The following USP22 variants were observed in gnomAD, a reference collection of about 807,000 sequenced individuals.
USP22 encodes the protein ubiquitin specific peptidase 22, also known as ubiquitin carboxyl-terminal hydrolase 22.
USP22 carries 22 observed loss-of-function variants against 68.1 expected under a neutral mutation model. The observed-to-expected ratio is 0.32, with a 90% confidence interval of 0.23 to 0.46. The LOEUF (loss-of-function observed/expected upper bound fraction) is 0.46. Ranked by LOEUF, USP22 falls within the 20% of genes least tolerant of loss-of-function variation. USP22 has a pLI of 1.00. For synonymous variants in USP22, 279 were observed against 274.2 expected (o/e 1.02, Z -0.17); for missense variants, 433 against 695.8 (o/e 0.62, Z 4.25).
At chr17:21,006,106 T>G (rs1433253084) in intron 10 of USP22, among the ~76,000 whole-genome samples, 1 of 152,162 alleles carries the variant, frequency 6.6e-6, no homozygotes, top group Non-Finnish European at 1.5e-5. Context: ...ATTTCAGATT[T>G]CCAACCTCTA....
chr17:21,043,055 C>G (rs1281141379), upstream of USP22: 4 of 236,722 alleles, frequency 1.7e-5, no homozygotes, highest in Non-Finnish European at 3.2e-5. Flanking sequence ...ACCGCCTGCG[C>G]TGCGCTCTCG....
intron 3 of USP22, among the ~76,000 whole-genome samples, chr17:21,020,248 A>AAAAAAAAAAAAC (rs1972137784): frequency 3.3e-5 from 1 of 30,624 alleles, no homozygotes; most frequent in African/African-American, 1.4e-4. Context: ...AAAAACCAAA[A>AAAAAAAAAAAAC]AAAAAAAAAA....
chr17:21,039,362 G>A (rs1567594862), intron 1 of USP22, among the ~76,000 whole-genome samples: 3 of 151,638 alleles, frequency 2.0e-5, no homozygotes, highest in African/African-American at 7.3e-5. Context: ...CGGATCACCT[G>A]AGGTTGGGAG....
chr17:21,011,656 T>C (rs994899350), intron 7 of USP22: 6 of 266,248 alleles, frequency 2.3e-5, no homozygotes, highest in Admixed American at 5.1e-5. Flanking sequence ...CTCAGCTGCA[T>C]CTAGAACTTG....
chr17:21,017,599 A>G lies in USP22; in HGVS notation c.690+343T>C, dbSNP rs115837514. ...TACCAGGAGGACACAGGAGGGTGACACATGCGTGCCTTTCTGAGCCAGGAA... is the reference window on the plus strand; with the variant it reads ...TACCAGGAGGACACAGGAGGGTGACGCATGCGTGCCTTTCTGAGCCAGGAA... On this transcript the variant is annotated intron_variant, in intron 5 of 12. Coordinates refer to ENST00000261497, the MANE Select transcript of USP22 (RefSeq NM_015276.2). 8.6e-3 allele frequency among the ~76,000 whole-genome samples: 1,316 copies of G among 152,298 alleles called. 25 individuals carry two copies. Among genetic ancestry groups the G allele is most frequent in the African/African-American group, 0.029 (1,218 of 41,564 alleles).
In USP22 at chr17:21,020,244, C is replaced by CAAAAAAAAAAAAAAAAAAAAAA. The variant is rs3047597; in HGVS notation, c.418+847_418+868dup. ...ATGAGCATCTGTCAGAATCAAAAACCAAAAAAAAAAAAAAAAAAAAAAAAA... is the reference window on the plus strand; with the variant it reads ...ATGAGCATCTGTCAGAATCAAAAACCAAAAAAAAAAAAAAAAAAAAAAAAAAAAAAAAAAAAAAAAAAAAAAA... On this transcript the variant is annotated intron_variant, in intron 3 of 12. Coordinates refer to ENST00000261497, the MANE Select transcript of USP22 (RefSeq NM_015276.2). Among the ~76,000 whole-genome samples the CAAAAAAAAAAAAAAAAAAAAAA allele has an allele frequency of 2.3e-4, 17 of 73,282 alleles. 1 individual carries two copies. The highest frequency in any genetic ancestry group is 2.8e-4 in the Non-Finnish European group (11 of 39,962). 48.1% of individuals were successfully genotyped at this position (73,282 alleles called of 152,430 possible).
intron 4 of USP22, among the ~76,000 whole-genome samples, chr17:21,018,656 G>C (rs1232640654): frequency 6.6e-6 from 1 of 151,488 alleles, no homozygotes; most frequent in Non-Finnish European, 1.5e-5. Flanking sequence ...AGGGTGCAGT[G>C]AACTGTGCTC....
chr17:21,035,608 C>T (rs1454021022), intron 1 of USP22, among the ~76,000 whole-genome samples: 1 of 151,822 alleles, frequency 6.6e-6, no homozygotes, highest in African/African-American at 2.4e-5. Context: ...AGTCACAAGG[C>T]CCAAGTTTTT....
At chr17:21,030,075 T>C (rs1036666696) in intron 1 of USP22, among the ~76,000 whole-genome samples, 1 of 152,196 alleles carries the variant, frequency 6.6e-6, no homozygotes, top group African/African-American at 2.4e-5. Flanking sequence ...TAGGAATTGA[T>C]TCCAGGATCC....
At chr17:21,026,583 C>T (rs1379184321) in intron 2 of USP22, among the ~76,000 whole-genome samples, 3 of 151,898 alleles carry the variant, frequency 2.0e-5, no homozygotes, top group Non-Finnish European at 2.9e-5. Context: ...CTCAGCCTCC[C>T]GAAGTGCTGG....
intron 3 of USP22, among the ~76,000 whole-genome samples, chr17:21,020,244 C>CAAAAAAAAAAAAAACAA (rs1972136597): frequency 1.4e-5 from 1 of 73,252 alleles, no homozygotes; most frequent in African/African-American, 5.2e-5. Context: ...AATCAAAAAC[C>CAAAAAAAAAAAAAACAA]AAAAAAAAAA....
Position 21,028,559 on chromosome 17 carries a change from G to A in USP22, c.287C>T (p.Ala96Val), listed in dbSNP as rs373343514. 40 of 1,613,748 alleles carry A rather than the reference G, an allele frequency of 2.5e-5. No homozygotes were observed. The highest frequency in any genetic ancestry group is 3.3e-5 in the Admixed American group (2 of 59,966). ...CGCCTCACCCAGGTTGTGCCGCTTC[G>A]CCTTCGCATGCTCGTGAATATGCTT... ...TKKHIHEHAK[A>V]KRHNLAIDLM... Residue 96 changes from alanine to valine, a missense_variant, in exon 2 of 13, where the codon GCG becomes GTG. Transcript: ENST00000261497.
At position 21,000,056 on chromosome 17, in the gene USP22, G is replaced by C. The variant is rs1168879736; in HGVS notation, c.*2975C>G. 6.6e-6 allele frequency: 1 copy of C among 152,326 alleles called. No homozygotes were observed. The highest frequency in any genetic ancestry group is 2.1e-4 in the South Asian group (1 of 4,834). The allele number at this position is 152,326 out of a possible 1,614,324, so 9.4% of individuals were successfully genotyped here. On this transcript the variant is annotated 3_prime_UTR_variant, in exon 13 of 13. Transcript: ENST00000261497. ...CCTTCAGGCATCTGAAGAGGGAAAG[G>C]CCATGTGTCTTCCTGGGAGGCACTG...
intron 10 of USP22, among the ~76,000 whole-genome samples, chr17:21,006,283 T>C (rs1007359806): frequency 7.2e-5 from 11 of 152,238 alleles, no homozygotes; most frequent in African/African-American, 2.7e-4. Context: ...AAACCAACTA[T>C]GTCTGCCTGT....
In USP22 at chr17:21,011,271, CTGA is replaced by C; in HGVS notation, c.980_982del (p.Ile327del). 6.3e-7 allele frequency: 1 copy of C among 1,581,544 alleles called. No homozygotes were observed. Among genetic ancestry groups the C allele is most frequent in the Non-Finnish European group, 8.6e-7 (1 of 1,163,208 alleles). The stretch of plus-strand genomic sequence containing the variant: ...GGTGGAAGAGCCGGGGAGATCCAAG[CTGA>C]TGTCCCAGAAGGGGTCGATGGTGGT... On this transcript the variant is annotated inframe_deletion, in exon 8 of 13. Coordinates refer to ENST00000261497, the MANE Select transcript of USP22 (RefSeq NM_015276.2).
Position 21,002,730 on chromosome 17 carries a change from C to G in USP22, c.*301G>C. ...GCGGTCACTCTGTGCTGTGAGGCCCCCGTTGCACCCCCATGTCATGACACA... is the reference window on the plus strand; with the variant it reads ...GCGGTCACTCTGTGCTGTGAGGCCCGCGTTGCACCCCCATGTCATGACACA... On this transcript the variant is annotated 3_prime_UTR_variant, in exon 13 of 13. Coordinates refer to ENST00000261497, the MANE Select transcript of USP22 (RefSeq NM_015276.2). The G allele has an allele frequency of 2.6e-6, 1 of 377,866 alleles. No homozygotes were observed. Among genetic ancestry groups the G allele is most frequent in the South Asian group, 2.3e-5 (1 of 44,018 alleles). 23.4% of individuals were successfully genotyped at this position (377,866 alleles called of 1,614,324 possible). A position where few individuals can be genotyped will look rare whatever the true frequency, so the allele number is the denominator to read the frequency against.
chr17:21,036,030 CAAAAA>C (rs35324126), intron 1 of USP22, among the ~76,000 whole-genome samples: 3 of 59,634 alleles, frequency 5.0e-5, no homozygotes, highest in African/African-American at 1.8e-4. Context: ...GACTCCGTCT[CAAAAA>C]AAAAAAAAAA....
At chr17:21,038,680 T>G (rs184647441) in intron 1 of USP22, among the ~76,000 whole-genome samples, 3,222 of 146,844 alleles carry the variant, frequency 0.022, 114 homozygotes, top group African/African-American at 0.076. Context: ...AAAAAAAAAA[T>G]ACATAAAAAA....
intron 11 of USP22, 40 bp downstream of exon 11, chr17:21,004,888 C>A: frequency 6.2e-7 from 1 of 1,610,760 alleles, no homozygotes. Flanking sequence ...CAGCTCTTGG[C>A]CAGAGGCCCT....
Sources: gnomAD v4.1 joint callset for allele counts (sites outside exome capture counted in the v4.1 genomes callset) on GRCh38, gnomAD v4.1.1 for gene constraint, MANE v1.5 for transcripts, NCBI Gene and HGNC (gene_info 2026-07-23, HGNC 2026-07-21) for gene names.